DNAI1: variants seen among roughly 807,000 people sequenced by gnomAD.
The protein encoded by DNAI1 is dynein, axonemal, intermediate polypeptide 1.
DNAI1 carries 67 observed loss-of-function variants against 92.0 expected under a neutral mutation model. The ratio of observed to expected loss-of-function variants is 0.73; its 90% CI spans 0.60 to 0.89. The LOEUF is 0.89. Ranked by LOEUF, DNAI1 falls within the 40% of genes least tolerant of loss-of-function variation. The pLI is 0.00. For synonymous variants in DNAI1, 323 were observed against 319.6 expected, an observed-to-expected ratio of 1.01 and a Z score of -0.11; for missense variants, 839 against 866.6, an observed-to-expected ratio of 0.97 and a Z score of 0.40.
intron 13 of DNAI1, among the ~76,000 whole-genome samples, chr9:34,507,906 G>A (rs1419093235): frequency 6.6e-6 from 1 of 152,208 alleles, no homozygotes; most frequent in Non-Finnish European, 1.5e-5. Flanking sequence ...CCTCGACATT[G>A]GGGCTGGATT....
chr9:34,518,836 AG>A (rs1825217246), intron 19 of DNAI1, among the ~76,000 whole-genome samples: 3 of 146,508 alleles, frequency 2.0e-5, no homozygotes, highest in African/African-American at 7.6e-5. Context: ...TTCCCCTCAG[AG>A]AAGGGTCAGA....
At position 34,512,390 on chromosome 9, in the gene DNAI1, G is replaced by A. The variant is rs200766993; in HGVS notation, c.1455G>A (p.Thr485=). 3.6e-5 allele frequency: 58 copies of A among 1,614,140 alleles called. No individual in the cohort carries two copies. The Middle Eastern group carries it at 4.9e-4, about 14-fold the overall frequency. Residue 485 remains threonine (T), a synonymous_variant, in exon 15 of 20, where the codon ACG becomes ACA. Transcript: ENST00000242317. ...VIKLKVEGST[T]EVPEGLQLHP... ...AGCTGAAGGTGGAAGGCAGCACCAC[G>A]GAAGTTCCTGAGGGGTTGCAGCTGC...
intron 18 of DNAI1, among the ~76,000 whole-genome samples, chr9:34,516,485 A>C (rs1825172410): frequency 6.6e-6 from 1 of 152,172 alleles, no homozygotes; most frequent in Non-Finnish European, 1.5e-5. Flanking sequence ...TCCAACATGG[A>C]ATGAGCACTG....
chr9:34,493,423 C>T, intron 9 of DNAI1, 95 bp downstream of exon 9: 1 of 1,528,978 alleles, frequency 6.5e-7, no homozygotes, highest in Non-Finnish European at 9.0e-7. Context: ...GAGGGGTTCA[C>T]AGATACTTAA....
At chr9:34,488,338 T>C (rs1362336762) in intron 4 of DNAI1, 1 of 157,368 alleles carries the variant, frequency 6.4e-6, no homozygotes, top group African/African-American at 2.4e-5. Flanking sequence ...CTGACTTGTC[T>C]TCCCATACAT....
chr9:34,503,473 G>T (rs1824871058), intron 12 of DNAI1, among the ~76,000 whole-genome samples: 1 of 152,216 alleles, frequency 6.6e-6, no homozygotes, highest in South Asian at 2.1e-4. Flanking sequence ...ACTGGAGTGA[G>T]AATTTGGGTT....
intron 1 of DNAI1, among the ~76,000 whole-genome samples, chr9:34,459,768 C>G (rs1403111861): frequency 6.6e-6 from 1 of 152,224 alleles, no homozygotes; most frequent in East Asian, 1.9e-4. Context: ...TTTATCCAAC[C>G]CTTTGCTGTG....
At chr9:34,492,974 T>C (rs1397189980) in intron 8 of DNAI1, among the ~76,000 whole-genome samples, 1 of 152,094 alleles carries the variant, frequency 6.6e-6, no homozygotes, top group East Asian at 1.9e-4. Flanking sequence ...TTTCAGGGTA[T>C]GTAAGCCCAG....
chr9:34,491,839 G>C (rs1342638088), intron 8 of DNAI1, among the ~76,000 whole-genome samples: 1 of 152,164 alleles, frequency 6.6e-6, no homozygotes, highest in Non-Finnish European at 1.5e-5. Context: ...CCATGACCAG[G>C]GGAGAACATT....
intron 18 of DNAI1, among the ~76,000 whole-genome samples, chr9:34,516,655 T>G (rs756691492): frequency 2.0e-5 from 3 of 152,094 alleles, no homozygotes; most frequent in Non-Finnish European, 4.4e-5. Flanking sequence ...AAGAGCATAA[T>G]GAGGTGATGC....
chr9:34,464,381 T>C (rs1223405735), intron 1 of DNAI1, among the ~76,000 whole-genome samples: 1 of 152,118 alleles, frequency 6.6e-6, no homozygotes, highest in Non-Finnish European at 1.5e-5. Context: ...ATACCTTAAT[T>C]TGTACCACTC....
At chr9:34,516,744 CTTT>C (rs543113261) in intron 18 of DNAI1, among the ~76,000 whole-genome samples, 1 of 135,048 alleles carries the variant, frequency 7.4e-6, no homozygotes. Flanking sequence ...CTTTTCTTTT[CTTT>C]TTTTTTTTTT....
rs886063880 is a variant in DNAI1 at position 34,458,861 on chromosome 9, C to G, written c.-145C>G. The G allele has an allele frequency of 2.7e-6, 2 of 745,230 alleles. No individual in the cohort carries two copies. The highest frequency in any genetic ancestry group is 4.9e-6 in the Non-Finnish European group (2 of 411,682). 46.2% of individuals were successfully genotyped at this position (745,230 alleles called of 1,614,324 possible). On this transcript the variant is annotated 5_prime_UTR_variant, in exon 1 of 20. Coordinates refer to ENST00000242317, the MANE Select transcript of DNAI1 (RefSeq NM_012144.4). The surrounding 1 kb of genome is among the most constrained non-coding windows in gnomAD (Gnocchi z 6.6). ...TTCTATCCTGCAAGGGCACGGGGAC[C>G]CACAACGACGGCTGTCCCTAAAGAA...
chr9:34,477,421 A>G (rs1425886378), intron 1 of DNAI1, among the ~76,000 whole-genome samples: 3 of 152,180 alleles, frequency 2.0e-5, no homozygotes, highest in African/African-American at 4.8e-5. Flanking sequence ...TTCATACTCC[A>G]TATGGTGGTT....
rs1011660587 is a variant in DNAI1 at position 34,485,445 on chromosome 9, G to A, written c.189G>A (p.Lys63=). ...DQLELTDAEL[K]EEFTRILTAN... The stretch of plus-strand genomic sequence containing the variant: ...GTATTTTTCTCCCTCAGGAGTTAAA[G>A]GAGGAGTTCACTCGGATTTTGACAG... The change falls in exon 4 of 20, where the codon AAG becomes AAA. Residue 63 remains lysine (K), a synonymous_variant. Transcript: ENST00000242317. The A allele has an allele frequency of 1.2e-6, 2 of 1,614,118 alleles. No homozygotes were observed. Among genetic ancestry groups the A allele is most frequent in the Non-Finnish European group, 1.7e-6 (2 of 1,180,008 alleles).
intron 1 of DNAI1, among the ~76,000 whole-genome samples, chr9:34,466,926 G>T (rs1236651189): frequency 6.6e-6 from 1 of 152,150 alleles, no homozygotes; most frequent in Admixed American, 6.5e-5. Flanking sequence ...TCCAACTGCT[G>T]GTTCTCCCTG....
At chr9:34,514,864 T>C in intron 18 of DNAI1, 125 bp downstream of exon 18, 3 of 1,085,730 alleles carry the variant, frequency 2.8e-6, no homozygotes, top group Non-Finnish European at 4.1e-6. Context: ...ACATAAGGAC[T>C]GTGTATTTTC....
At chr9:34,486,515 A>G (rs1308427593) in intron 4 of DNAI1, among the ~76,000 whole-genome samples, 1 of 152,176 alleles carries the variant, frequency 6.6e-6, no homozygotes, top group Non-Finnish European at 1.5e-5. Context: ...ACAAATTTCA[A>G]AAGATTCAAA....
At chr9:34,514,890 C>A in intron 18 of DNAI1, 151 bp downstream of exon 18, 1 of 833,860 alleles carries the variant, frequency 1.2e-6, no homozygotes, top group Non-Finnish European at 2.0e-6. Flanking sequence ...GCAAGCCATC[C>A]AGGGTCCAGC....
Sources: allele counts gnomAD v4.1 joint callset (sites outside exome capture counted in the v4.1 genomes callset), GRCh38; gene constraint gnomAD v4.1.1; non-coding constraint Gnocchi (gnomAD v3.1); transcripts MANE v1.5; gene names NCBI Gene and HGNC (gene_info 2026-07-23, HGNC 2026-07-21).